ZDHHC18: variants seen among roughly 807,000 people sequenced by gnomAD.
ZDHHC18 encodes the protein palmitoyltransferase ZDHHC18.
In ZDHHC18, 23 loss-of-function variants were observed where a neutral mutation model predicts 37.5. The ratio of observed to expected loss-of-function variants is 0.61; its 90% CI spans 0.44 to 0.87. The LOEUF (loss-of-function observed/expected upper bound fraction) is 0.87, where lower values mean the gene tolerates loss of function less well. Among genes scored for constraint, ZDHHC18 ranks in the 40% least tolerant of loss-of-function variants. ZDHHC18 has a pLI of 0.00. For synonymous variants in ZDHHC18, 185 were observed against 218.7 expected (o/e 0.85, Z 1.36); for missense variants, 406 against 525.6 (o/e 0.77, Z 2.22).
intron 2 of ZDHHC18, among the ~76,000 whole-genome samples, chr1:26,847,972 G>C (rs1195856048): frequency 6.6e-6 from 1 of 152,118 alleles, no homozygotes; most frequent in African/African-American, 2.4e-5. Context: ...TCCATCTCCT[G>C]AACCTCCTGT....
chr1:26,857,112 A>G lies in ZDHHC18; in HGVS notation c.*3269A>G, dbSNP rs1249370011. 3.3e-5 allele frequency: 5 copies of G among 152,456 alleles called. No individual in the cohort carries two copies. Among genetic ancestry groups the G allele is most frequent in the Non-Finnish European group, 7.3e-5 (5 of 68,202 alleles). The allele number at this position is 152,456 out of a possible 1,614,324, so 9.4% of individuals were successfully genotyped here. On this transcript the variant is annotated 3_prime_UTR_variant, in exon 8 of 8. Coordinates refer to ENST00000374142, the MANE Select transcript of ZDHHC18 (RefSeq NM_032283.3). ...AAGCCATAACGCAGCCATCAGCACA[A>G]TAATGTGACTCTACGCTGATATGCT... is the stretch of plus-strand genomic sequence containing the variant.
At chr1:26,839,622 C>T (rs1418998047) in intron 2 of ZDHHC18, among the ~76,000 whole-genome samples, 1 of 152,216 alleles carries the variant, frequency 6.6e-6, no homozygotes, top group Non-Finnish European at 1.5e-5. Context: ...CTGTAACTCA[C>T]AGGCACGGAT....
rs1360562400 is a variant in ZDHHC18 at position 26,856,331 on chromosome 1, A to T, written c.*2488A>T. The stretch of plus-strand genomic sequence containing the variant: ...TCACACACCATCTCATCCTCATCGC[A>T]TGCCTCGCCAACCCCATGGAGCCCG... On this transcript the variant is annotated 3_prime_UTR_variant, in exon 8 of 8. Transcript: ENST00000374142. This position sits in a 1 kb window ranked among gnomAD's most constrained non-coding sequence, Gnocchi z 5.2. 2.5e-6 allele frequency: 1 copy of T among 394,224 alleles called. No individual in the cohort carries two copies. The highest frequency in any genetic ancestry group is 5.5e-6 in the Non-Finnish European group (1 of 183,262). 24.4% of individuals were successfully genotyped at this position (394,224 alleles called of 1,614,324 possible).
chr1:26,851,116 T>C lies in ZDHHC18; in HGVS notation c.834-13T>C. 2 of 1,613,690 alleles carry C rather than the reference T, an allele frequency of 1.2e-6. No homozygotes were observed. Among genetic ancestry groups the C allele is most frequent in the South Asian group, 2.2e-5 (2 of 91,076 alleles). Reference sequence around the variant, plus strand: ...CCCACCCTCCACCCATTGAAGTCCTTAACTGCCCTCACCGTGCTGGAGTTG... The same window carrying C: ...CCCACCCTCCACCCATTGAAGTCCTCAACTGCCCTCACCGTGCTGGAGTTG... On this transcript the variant is annotated splice_polypyrimidine_tract_variant and intron_variant, in intron 5 of 7. Transcript: ENST00000374142.
At chr1:26,844,641 G>A (rs1557643721) in intron 2 of ZDHHC18, among the ~76,000 whole-genome samples, 2 of 152,208 alleles carry the variant, frequency 1.3e-5, no homozygotes, top group African/African-American at 2.4e-5. Context: ...GTTGTCCAAA[G>A]CGGTCATATG....
chr1:26,828,487 C>G (rs1043564287), intron 1 of ZDHHC18, among the ~76,000 whole-genome samples: 2 of 152,016 alleles, frequency 1.3e-5, no homozygotes, highest in African/African-American at 4.8e-5. Flanking sequence ...AACAAGCACA[C>G]TATGTTGGCT....
intron 1 of ZDHHC18, chr1:26,832,190 T>A: frequency 8.5e-6 from 4 of 470,270 alleles, no homozygotes; most frequent in Admixed American, 3.6e-5. Context: ...AGGTTAGGAG[T>A]GCTGGGATCT....
intron 1 of ZDHHC18, chr1:26,832,201 A>G (rs989392930): frequency 2.2e-5 from 11 of 505,892 alleles, no homozygotes; most frequent in African/African-American, 1.5e-4. Flanking sequence ...GCTGGGATCT[A>G]TTGGACACAT....
intron 2 of ZDHHC18, among the ~76,000 whole-genome samples, chr1:26,843,940 C>G (rs2081650816): frequency 6.6e-6 from 1 of 152,166 alleles, no homozygotes; most frequent in South Asian, 2.1e-4. Context: ...CTGTCACTCT[C>G]CAAGGGTTAC....
At chr1:26,829,851 T>A (rs543462592) in intron 1 of ZDHHC18, among the ~76,000 whole-genome samples, 13 of 152,328 alleles carry the variant, frequency 8.5e-5, no homozygotes, top group African/African-American at 2.9e-4. Context: ...TGTTAGCCTC[T>A]GGCAAATCAG....
At chr1:26,851,695 G>C (rs1308770582) in intron 6 of ZDHHC18, among the ~76,000 whole-genome samples, 1 of 152,222 alleles carries the variant, frequency 6.6e-6, no homozygotes, top group Admixed American at 6.5e-5. Context: ...CAAGGTTGGT[G>C]CCCAGTCACA....
chr1:26,850,859 C>G lies in ZDHHC18; in HGVS notation c.833+253C>G, dbSNP rs1469640639. On this transcript the variant is annotated intron_variant, in intron 5 of 7. Coordinates refer to ENST00000374142, the MANE Select transcript of ZDHHC18 (RefSeq NM_032283.3). This position sits in a 1 kb window ranked among gnomAD's most constrained non-coding sequence, Gnocchi z 6.1. ...CCTTAAGATGCCAAGCTCCCTGGAC[C>G]GTGTCGTGCCCAAGGCTCTTTGTGA... 6.6e-6 allele frequency among the ~76,000 whole-genome samples: 1 copy of G among 152,180 alleles called. No individual in the cohort carries two copies. The highest frequency in any genetic ancestry group is 1.5e-5 in the Non-Finnish European group (1 of 68,042).
chr1:26,843,420 C>T (rs757333828), intron 2 of ZDHHC18, among the ~76,000 whole-genome samples: 8 of 151,100 alleles, frequency 5.3e-5, no homozygotes, highest in African/African-American at 1.9e-4. Flanking sequence ...GGATTACAGG[C>T]GTGAGCCACC....
rs1012605273 is a variant in ZDHHC18 at position 26,855,253 on chromosome 1, G to A, written c.*1410G>A. 2.0e-5 allele frequency: 3 copies of A among 152,344 alleles called. No individual in the cohort carries two copies. The highest frequency in any genetic ancestry group is 4.4e-5 in the Non-Finnish European group (3 of 68,140). The allele number at this position is 152,344 out of a possible 1,614,324, so 9.4% of individuals were successfully genotyped here. A position where few individuals can be genotyped will look rare whatever the true frequency, so the allele number is the denominator to read the frequency against. ...ATATGGGACCCAGTGCCAGGAGCTGGAAGACAAGGTGTTTCTGCCAAACGG... is the reference window on the plus strand; with the variant it reads ...ATATGGGACCCAGTGCCAGGAGCTGAAAGACAAGGTGTTTCTGCCAAACGG... On this transcript the variant is annotated 3_prime_UTR_variant, in exon 8 of 8. Coordinates refer to ENST00000374142, the MANE Select transcript of ZDHHC18 (RefSeq NM_032283.3).
chr1:26,842,718 T>G (rs912243362), intron 2 of ZDHHC18, among the ~76,000 whole-genome samples: 2 of 152,162 alleles, frequency 1.3e-5, no homozygotes, highest in Non-Finnish European at 2.9e-5. Flanking sequence ...GTAGTCAAGG[T>G]GGTGATGAAA....
intron 2 of ZDHHC18, among the ~76,000 whole-genome samples, chr1:26,834,528 C>T (rs2081602643): frequency 6.6e-6 from 1 of 152,212 alleles, no homozygotes; most frequent in East Asian, 1.9e-4. Flanking sequence ...CCCAGTTGGG[C>T]CAGGCCTTCC....
intron 1 of ZDHHC18, among the ~76,000 whole-genome samples, chr1:26,829,565 T>C (rs974128865): frequency 3.9e-5 from 6 of 152,146 alleles, no homozygotes; most frequent in African/African-American, 1.4e-4. Flanking sequence ...TCTCCCCTCA[T>C]TTATCGCTCT....
rs182262964 is a variant in ZDHHC18, at chr1:26,853,698, C to T, written c.1050-28C>T. 747 of 1,607,228 alleles carry T rather than the reference C, an allele frequency of 4.6e-4. 1 individual carries two copies. The highest frequency in any genetic ancestry group is 4.4e-4 in the Non-Finnish European group (519 of 1,173,968). Reference sequence around the variant, plus strand: ...TAGAGCCTCAGTGTTGGGCAGAGCCCTCATGTGTCTCCCTTGTGTTTTGGA... The same window carrying T: ...TAGAGCCTCAGTGTTGGGCAGAGCCTTCATGTGTCTCCCTTGTGTTTTGGA... On this transcript the variant is annotated intron_variant, in intron 7 of 7. Transcript: ENST00000374142.
At chr1:26,835,900 C>G (rs991985533) in intron 2 of ZDHHC18, among the ~76,000 whole-genome samples, 1 of 152,152 alleles carries the variant, frequency 6.6e-6, no homozygotes, top group African/African-American at 2.4e-5. Flanking sequence ...TCCAGCCCAA[C>G]AGGTCTGGCC....
Sources: allele counts gnomAD v4.1 joint callset (sites outside exome capture counted in the v4.1 genomes callset), GRCh38; gene constraint gnomAD v4.1.1; non-coding constraint Gnocchi (gnomAD v3.1); transcripts MANE v1.5; gene names NCBI Gene and HGNC (gene_info 2026-07-23, HGNC 2026-07-21).